MYH10: variants seen among roughly 807,000 people sequenced by gnomAD.
MYH10 encodes myosin heavy chain 10, also known as myosin-10.
Under a neutral mutation model 257.8 loss-of-function variants are expected in MYH10, and 55 were observed. The ratio of observed to expected loss-of-function variants is 0.21; its 90% CI spans 0.17 to 0.27. The LOEUF is 0.27. Among genes scored for constraint, MYH10 ranks in the 10% least tolerant of loss-of-function variants. The pLI, the probability that MYH10 is intolerant of heterozygous loss-of-function variation, is 1.00. For missense variants in MYH10, 1,631 were observed against 2,500.6 expected, an observed-to-expected ratio of 0.65 and a Z score of 7.42; for synonymous variants, 854 against 921.7, an observed-to-expected ratio of 0.93 and a Z score of 1.33.
At chr17:8,597,587 C>G (rs1045603431) in intron 3 of MYH10, among the ~76,000 whole-genome samples, 1 of 150,030 alleles carries the variant, frequency 6.7e-6, no homozygotes, top group Non-Finnish European at 1.5e-5. Flanking sequence ...ATTTCTTTGA[C>G]AAATTCTGAT....
At chr17:8,628,795 A>G (rs1332282669) in intron 1 of MYH10, among the ~76,000 whole-genome samples, 1 of 152,228 alleles carries the variant, frequency 6.6e-6, no homozygotes, top group Non-Finnish European at 1.5e-5. Flanking sequence ...AAACCGCTGA[A>G]GCATATAGTC....
intron 31 of MYH10, among the ~76,000 whole-genome samples, chr17:8,494,733 C>T (rs534914756): frequency 2.0e-5 from 3 of 152,330 alleles, no homozygotes; most frequent in Non-Finnish European, 4.4e-5. Flanking sequence ...GTCTGATAAG[C>T]CTCAACTCAC....
intron 3 of MYH10, among the ~76,000 whole-genome samples, chr17:8,595,425 C>CTTTTTTTTTTTTTT (rs10664342): frequency 1.2e-5 from 1 of 84,186 alleles, no homozygotes; most frequent in African/African-American, 5.8e-5. Flanking sequence ...AAGAACAGTT[C>CTTTTTTTTTTTTTT]TTTTTTTTTT....
At position 8,480,274 on chromosome 17, in the gene MYH10, G is replaced by C. The variant is rs750383128; in HGVS notation, c.5433C>G (p.Ala1811=). The change falls in exon 40 of 43, where the codon GCC becomes GCG. Residue 1811 remains alanine (A), a synonymous_variant. Transcript: ENST00000360416. The part of the protein sequence containing the change: ...NAELAAERSA[A]QKSDNARQQL... ...GCTGGCGTGCATTGTCACTCTTCTG[G>C]GCGGCGCTGCGCTCGGCTGCTAGCT... is the stretch of plus-strand genomic sequence containing the variant. The C allele has an allele frequency of 1.2e-6, 2 of 1,613,980 alleles. No homozygotes were observed. The highest frequency in any genetic ancestry group is 2.7e-5 in the African/African-American group (2 of 74,928).
intron 1 of MYH10, among the ~76,000 whole-genome samples, chr17:8,629,549 G>C (rs916328390): frequency 6.6e-6 from 1 of 151,956 alleles, no homozygotes; most frequent in East Asian, 1.9e-4. Flanking sequence ...TCCCAGGGCC[G>C]CATCCGCCCA....
rs1915622269 is a variant in MYH10 at position 8,490,657 on chromosome 17, T to C, written c.4672-105A>G. ...CCCACTCGTGGCATGCTGGCCACTT[T>C]GGTCCCCCTGGGCCGGCCCCCTGCC... is the stretch of plus-strand genomic sequence containing the variant. On this transcript the variant is annotated intron_variant, in intron 34 of 42. Coordinates refer to ENST00000360416, the MANE Select transcript of MYH10 (RefSeq NM_001256012.3). The surrounding 1 kb of genome is among the most constrained non-coding windows in gnomAD (Gnocchi z 4.1). 3 of 1,121,158 alleles carry C rather than the reference T, an allele frequency of 2.7e-6. No individual in the cohort carries two copies. In the South Asian group the frequency reaches 4.1e-5, roughly 15 times the overall value. The allele number at this position is 1,121,158 out of a possible 1,614,324, so 69.5% of individuals were successfully genotyped here.
chr17:8,490,640 T>G lies in MYH10; in HGVS notation c.4672-88A>C. 1 of 1,349,734 alleles carries G rather than the reference T, an allele frequency of 7.4e-7. No homozygotes were observed. Among genetic ancestry groups the G allele is most frequent in the Non-Finnish European group, 1.1e-6 (1 of 952,098 alleles). The allele number at this position is 1,349,734 out of a possible 1,614,324, so 83.6% of individuals were successfully genotyped here. On this transcript the variant is annotated intron_variant, in intron 34 of 42. Transcript: ENST00000360416. The surrounding 1 kb of genome is among the most constrained non-coding windows in gnomAD (Gnocchi z 4.1). Reference sequence around the variant, plus strand: ...TCTTACTGTTTTACAGGCCCACTCGTGGCATGCTGGCCACTTTGGTCCCCC... The same window carrying G: ...TCTTACTGTTTTACAGGCCCACTCGGGGCATGCTGGCCACTTTGGTCCCCC...
rs1409429114 is a variant in MYH10, at chr17:8,511,075, T to C, written c.2953-1126A>G. On this transcript the variant is annotated intron_variant, in intron 24 of 42. Transcript: ENST00000360416. ...ATATATATATACACACATACATACA[T>C]ACACACACACACACTTAATATATAC... The C allele has an allele frequency of 4.2e-3, 474 of 113,026 alleles. 13 individuals carry two copies. Among genetic ancestry groups the C allele is most frequent in the African/African-American group, 0.015 (431 of 28,590 alleles). The allele number at this position is 113,026 out of a possible 1,614,324, so 7.0% of individuals were successfully genotyped here.
intron 14 of MYH10, among the ~76,000 whole-genome samples, chr17:8,538,886 C>T (rs1275084880): frequency 6.6e-6 from 1 of 152,152 alleles, no homozygotes; most frequent in Non-Finnish European, 1.5e-5. Context: ...AAACCTGGTT[C>T]CTAATGCAGC....
intron 1 of MYH10, among the ~76,000 whole-genome samples, chr17:8,626,114 G>A (rs2085664970): frequency 6.6e-6 from 1 of 152,140 alleles, no homozygotes; most frequent in African/African-American, 2.4e-5. Context: ...ACCTAAACTT[G>A]CATTAGTCTT....
intron 1 of MYH10, among the ~76,000 whole-genome samples, chr17:8,627,017 A>G (rs2085709538): frequency 6.6e-6 from 1 of 152,238 alleles, no homozygotes; most frequent in Non-Finnish European, 1.5e-5. Context: ...ACATATTATC[A>G]GTACTTTTTC....
In MYH10 at chr17:8,623,215, T is replaced by G. The variant is rs770174008; in HGVS notation, c.32A>C (p.Glu11Ala). The change falls in exon 2 of 43, where the codon GAG becomes GCG. Residue 11 changes from glutamate (E) to alanine (A), a missense_variant. Physicochemically the swap from Glu to Ala is moderately radical, Grantham distance 107 (BLOSUM62 -1). Coordinates refer to ENST00000360416, the MANE Select transcript of MYH10 (RefSeq NM_001256012.3). Reference protein sequence around the residue: MAQRTGLEDPERYLFVDRAVI... With the variant: MAQRTGLEDPARYLFVDRAVI... ...AGCCCTGTCCACAAAGAGATACCTC[T>G]CTGGATCCTCGAGTCCAGTTCTCTG... 1 of 1,601,132 alleles carries G rather than the reference T, an allele frequency of 6.2e-7. No individual in the cohort carries two copies. Among genetic ancestry groups the G allele is most frequent in the Non-Finnish European group, 8.5e-7 (1 of 1,175,158 alleles).
At chr17:8,483,695 G>C (rs1392281223) in intron 37 of MYH10, among the ~76,000 whole-genome samples, 2 of 152,208 alleles carry the variant, frequency 1.3e-5, no homozygotes, top group Non-Finnish European at 2.9e-5. Context: ...TTACAAGAAA[G>C]ATAAATGAAG....
At position 8,490,334 on chromosome 17, in the gene MYH10, C is replaced by A; in HGVS notation, c.4884+6G>T. The stretch of plus-strand genomic sequence containing the variant: ...CTTGTTGTGGAGGCCGCACCCTCTG[C>A]CCTACCTGTTTGATCAGCAGCCGCT... On this transcript the variant is annotated splice_donor_region_variant and intron_variant, in intron 35 of 42. Coordinates refer to ENST00000360416, the MANE Select transcript of MYH10 (RefSeq NM_001256012.3). The surrounding 1 kb of genome is among the most constrained non-coding windows in gnomAD (Gnocchi z 4.1). 6.2e-7 allele frequency: 1 copy of A among 1,613,000 alleles called. No homozygotes were observed. The highest frequency in any genetic ancestry group is 8.5e-7 in the Non-Finnish European group (1 of 1,179,982).
At chr17:8,497,716 C>A (rs12948908) in intron 30 of MYH10, among the ~76,000 whole-genome samples, 17 of 134,322 alleles carry the variant, frequency 1.3e-4, no homozygotes, top group Non-Finnish European at 2.2e-4. Context: ...TCCAGCCTGG[C>A]CGACAGAGCG....
intron 9 of MYH10, 100 bp downstream of exon 9, chr17:8,551,946 T>C: frequency 1.9e-6 from 1 of 532,646 alleles, no homozygotes; most frequent in East Asian, 3.3e-5. Context: ...ATTTGGTGTT[T>C]TGTGTGTAAA....
At chr17:8,521,381 TG>T in intron 17 of MYH10, 96 bp from the exon 18 acceptor site, 1 of 1,317,486 alleles carries the variant, frequency 7.6e-7, no homozygotes, top group Non-Finnish European at 1.1e-6. Flanking sequence ...ACAAGCTTTG[TG>T]GAACAAATGA....
intron 7 of MYH10, chr17:8,561,086 G>T (rs913584674): frequency 8.4e-6 from 5 of 596,076 alleles, no homozygotes; most frequent in African/African-American, 1.9e-5. Context: ...GCAGTTCTTT[G>T]GTTTCCTTAT....
rs961919079 is a variant in MYH10, at chr17:8,599,032, G to C, written c.502+5794C>G. Among the ~76,000 whole-genome samples, 7 of 152,194 alleles carry C rather than the reference G, an allele frequency of 4.6e-5. 1 individual carries two copies. Among genetic ancestry groups the C allele is most frequent in the Admixed American group, 1.3e-4 (2 of 15,274 alleles). Reference sequence around the variant, plus strand: ...TGTTGTAGTGATTTCTAAAGAATCTGTAAGTTTTGATTTCCTCTTTTACCA... The same window carrying C: ...TGTTGTAGTGATTTCTAAAGAATCTCTAAGTTTTGATTTCCTCTTTTACCA... On this transcript the variant is annotated intron_variant, in intron 3 of 42. Transcript: ENST00000360416.
Sources: allele counts gnomAD v4.1 joint callset (sites outside exome capture counted in the v4.1 genomes callset), GRCh38; gene constraint gnomAD v4.1.1; non-coding constraint Gnocchi (gnomAD v3.1); transcripts MANE v1.5; gene names NCBI Gene and HGNC (gene_info 2026-07-23, HGNC 2026-07-21).